Variants in ADAMTS4 observed in about 807,000 individuals in gnomAD.
ADAMTS4 encodes the protein ADAM metallopeptidase with thrombospondin type 1 motif 4, also known as A disintegrin and metalloproteinase with thrombospondin motifs 4.
ADAMTS4 carries 38 observed loss-of-function variants against 66.7 expected under a neutral mutation model. The observed-to-expected ratio is 0.57, with a 90% CI of 0.44 to 0.75. The LOEUF (loss-of-function observed/expected upper bound fraction) is 0.75, where lower values mean the gene tolerates loss of function less well. Ranked by LOEUF, ADAMTS4 falls within the 30% of genes least tolerant of loss-of-function variation. The probability of loss-of-function intolerance (pLI) is 0.00; values close to 1 mark genes in which losing one functional copy is unlikely to be tolerated. For synonymous variants in ADAMTS4, 418 were observed against 461.5 expected, an observed-to-expected ratio of 0.91 and a Z score of 1.21; for missense variants, 1,014 against 1,116.7, an observed-to-expected ratio of 0.91 and a Z score of 1.31.
At chr1:161,195,931 A>C in intron 3 of ADAMTS4, 1 of 527,996 alleles carries the variant, frequency 1.9e-6, no homozygotes, top group South Asian at 2.8e-5. Flanking sequence ...ATACACACAC[A>C]CAGACACACA....
Position 161,193,724 on chromosome 1 carries a change from C to T in ADAMTS4, c.1651G>A (p.Val551Ile). 6.2e-7 allele frequency: 1 copy of T among 1,614,126 alleles called. No homozygotes were observed. The highest frequency in any genetic ancestry group is 8.5e-7 in the Non-Finnish European group (1 of 1,180,010). Residue 551 changes from valine (V) to isoleucine (I), a missense_variant, in exon 6 of 9, where the codon GTC becomes ATC. Val to Ile is a conservative substitution (Grantham distance 29, BLOSUM62 3). Transcript: ENST00000367996. The surrounding 1 kb of genome is among the most constrained non-coding windows in gnomAD (Gnocchi z 4.4). ...CAGTACTTGCCACCATTCCGGGGGA[C>T]AGGCCTCGTGCAGTCTCGGGAGGAG... ...QFSSRDCTRP[V>I]PRNGGKYCEG...
In ADAMTS4 at chr1:161,198,282, G is replaced by T; in HGVS notation, c.346C>A (p.Pro116Thr). The stretch of plus-strand genomic sequence containing the variant: ...GGCTCTGCTCCACCCAGCAGCTCAG[G>T]CGCCTGGCCCAGGTACTGCACTGTC... ...GLTVQYLGQA[P>T]ELLGGAEPGT... The change falls in exon 1 of 9, where the codon CCT (proline) becomes ACT (threonine). Residue 116 changes from proline (P) to threonine (T), a missense_variant. Transcript: ENST00000367996. This position sits in a 1 kb window ranked among gnomAD's most constrained non-coding sequence, Gnocchi z 4.7. The T allele has an allele frequency of 6.2e-7, 1 of 1,613,794 alleles. No individual in the cohort carries two copies.
chr1:161,191,723 C>T (rs112250336), intron 8 of ADAMTS4, among the ~76,000 whole-genome samples, 159 bp from the exon 9 acceptor site: 2,407 of 152,244 alleles, frequency 0.016, 61 homozygotes, highest in African/African-American at 0.054. Context: ...TGCACATGTG[C>T]CCTACTGCCT....
rs780043348 is a variant in ADAMTS4, at chr1:161,193,936, T to C, written c.1547A>G (p.Asn516Ser). 2.3e-5 allele frequency: 36 copies of C among 1,574,502 alleles called. No individual in the cohort carries two copies. In the East Asian group the frequency reaches 3.6e-4, roughly 16 times the overall value. The change falls in exon 5 of 9, where the codon AAT becomes AGT. Residue 516 changes from asparagine to serine, a missense_variant and splice_region_variant. By Grantham distance (46) the Asn-to-Ser change is conservative. Transcript: ENST00000367996. This position sits in a 1 kb window ranked among gnomAD's most constrained non-coding sequence, Gnocchi z 4.4. ...CCCACCCCTGCCCTAGGATCTCACA[T>C]TGAAGTCCTGGAGCTGGTCCATGTG... ...CLHMDQLQDF[N>S]IPQAGGWGPW...
chr1:161,194,005 G>C lies in ADAMTS4; in HGVS notation c.1478C>G (p.Thr493Arg). The C allele has an allele frequency of 1.2e-6, 2 of 1,613,116 alleles. No homozygotes were observed. Among genetic ancestry groups the C allele is most frequent in the Non-Finnish European group, 1.7e-6 (2 of 1,179,326 alleles). Residue 493 changes from threonine (T) to arginine (R), a missense_variant, in exon 5 of 9, where the codon ACA becomes AGA. Physicochemically the swap from Thr to Arg is moderately conservative, Grantham distance 71. Coordinates refer to ENST00000367996, the MANE Select transcript of ADAMTS4 (RefSeq NM_005099.6). The surrounding 1 kb of genome is among the most constrained non-coding windows in gnomAD (Gnocchi z 4.1). Reference sequence around the variant, plus strand: ...GCAGGCCTGTGCGGGCCCGCAGGGTGTGCCATCGGCCCAGGGCGAGTGTTT... The same window carrying C: ...GCAGGCCTGTGCGGGCCCGCAGGGTCTGCCATCGGCCCAGGGCGAGTGTTT... ...QTKHSPWADG[T>R]PCGPAQACMG... is the part of the protein sequence containing the mutation.
At chr1:161,195,318 A>C (rs567786614) in intron 4 of ADAMTS4, 147 bp downstream of exon 4, 14 of 827,662 alleles carry the variant, frequency 1.7e-5, no homozygotes, top group Admixed American at 2.8e-5. Context: ...ACACAAAGAC[A>C]GCAGCATTTC....
Position 161,189,547 on chromosome 1 carries a change from A to T in ADAMTS4, c.*1591T>A, listed in dbSNP as rs1208388525. 2.0e-5 allele frequency: 3 copies of T among 152,124 alleles called. No individual in the cohort carries two copies. Among genetic ancestry groups the T allele is most frequent in the African/African-American group, 7.2e-5 (3 of 41,412 alleles). 9.4% of individuals were successfully genotyped at this position (152,124 alleles called of 1,614,324 possible). Reference sequence around the variant, plus strand: ...GATTGGGAACTTCCAGAGGTGAGGGATGGAATTTTCCTTTCTCTGTTGGTC... The same window carrying T: ...GATTGGGAACTTCCAGAGGTGAGGGTTGGAATTTTCCTTTCTCTGTTGGTC... On this transcript the variant is annotated 3_prime_UTR_variant, in exon 9 of 9. Transcript: ENST00000367996.
intron 3 of ADAMTS4, 51 bp from the exon 4 acceptor site, chr1:161,195,686 T>A: frequency 1.3e-6 from 2 of 1,523,604 alleles, no homozygotes; most frequent in Non-Finnish European, 1.8e-6. Context: ...CCCCATGCCC[T>A]GAGGGACTCC....
In ADAMTS4 at chr1:161,193,591, C is replaced by T. The variant is rs1171607841; in HGVS notation, c.1735+49G>A. 1 of 1,567,468 alleles carries T rather than the reference C, an allele frequency of 6.4e-7. No individual in the cohort carries two copies. On this transcript the variant is annotated intron_variant, in intron 6 of 8. Transcript: ENST00000367996. The surrounding 1 kb of genome is among the most constrained non-coding windows in gnomAD (Gnocchi z 4.4). ...GTCTTGCACTCAAGGGACAGTCCTT[C>T]CTGCTCTACTGTCCCCTCCCAAGGG... is the stretch of plus-strand genomic sequence containing the variant.
Position 161,192,216 on chromosome 1 carries a change from G to A in ADAMTS4, c.1936C>T (p.Pro646Ser), listed in dbSNP as rs1210373801. 3 of 1,613,760 alleles carry A rather than the reference G, an allele frequency of 1.9e-6. No individual in the cohort carries two copies. The Admixed American group carries it at 5.0e-5, about 27-fold the overall frequency. ...PRVVDGTPCS[P>S]DSSSVCVQGR... ...TGGACACAGACCGAGGAGCTGTCCG[G>A]GGAACAGGGGGTCCCATCTACCACC... Residue 646 changes from proline (P) to serine (S), a missense_variant, in exon 8 of 9, where the codon CCG becomes TCG. Transcript: ENST00000367996.
Position 161,198,749 on chromosome 1 carries a change from A to G in ADAMTS4, c.-122T>C. The G allele has an allele frequency of 1.1e-6, 1 of 942,896 alleles. No homozygotes were observed. The highest frequency in any genetic ancestry group is 1.5e-6 in the Non-Finnish European group (1 of 654,868). The allele number at this position is 942,896 out of a possible 1,614,324, so 58.4% of individuals were successfully genotyped here. ...TTGGACTCCTGCCAAGGTCAGAGGC[A>G]AAGTTTTCAGAAGGGCTGAGGACCG... is the stretch of plus-strand genomic sequence containing the variant. On this transcript the variant is annotated 5_prime_UTR_variant, in exon 1 of 9. Transcript: ENST00000367996. The surrounding 1 kb of genome is among the most constrained non-coding windows in gnomAD (Gnocchi z 4.7).
At chr1:161,191,720 G>A (rs1016326052) in intron 8 of ADAMTS4, among the ~76,000 whole-genome samples, 156 bp from the exon 9 acceptor site, 15 of 152,156 alleles carry the variant, frequency 9.9e-5, no homozygotes, top group Admixed American at 4.6e-4. Context: ...ACATGCACAT[G>A]TGCCCTACTG....
Position 161,198,598 on chromosome 1 carries a change from C to A in ADAMTS4, c.30G>T (p.Arg10Ser). The change falls in exon 1 of 9, where the codon AGG (arginine) becomes AGT (serine). Residue 10 changes from arginine (R) to serine (S), a missense_variant. Physicochemically the swap from Arg to Ser is moderately radical, Grantham distance 110. Transcript: ENST00000367996. This position sits in a 1 kb window ranked among gnomAD's most constrained non-coding sequence, Gnocchi z 4.7. MSQTGSHPG[R>S]GLAGRWLWGA... ...CCCACAGCCAGCGCCCTGCCAAGCCCCTCCCGGGATGCGAGCCTGTCTGGG... is the reference window on the plus strand; with the variant it reads ...CCCACAGCCAGCGCCCTGCCAAGCCACTCCCGGGATGCGAGCCTGTCTGGG... 6.5e-7 allele frequency: 1 copy of A among 1,541,578 alleles called. No individual in the cohort carries two copies.
At position 161,195,497 on chromosome 1, in the gene ADAMTS4, C is replaced by A; in HGVS notation, c.1229G>T (p.Arg410Leu). The change falls in exon 4 of 9, where the codon CGC (arginine) becomes CTC (leucine). Residue 410 changes from arginine to leucine, a missense_variant. Arg to Leu is a moderately radical substitution (Grantham distance 102). Coordinates refer to ENST00000367996, the MANE Select transcript of ADAMTS4 (RefSeq NM_005099.6). Reference protein sequence around the residue: ...PEEPWSPCSARFITDFLDNGY... With the variant: ...PEEPWSPCSALFITDFLDNGY... ...ATTGTCCAGGAAGTCAGTGATGAAGCGGGCACTGCAGGGGGACCAGGGCTC... is the reference window on the plus strand; with the variant it reads ...ATTGTCCAGGAAGTCAGTGATGAAGAGGGCACTGCAGGGGGACCAGGGCTC... 6.2e-7 allele frequency: 1 copy of A among 1,612,142 alleles called. No individual in the cohort carries two copies. The highest frequency in any genetic ancestry group is 8.5e-7 in the Non-Finnish European group (1 of 1,179,098).
At position 161,196,796 on chromosome 1, in the gene ADAMTS4, G is replaced by C. The variant is rs143740950; in HGVS notation, c.718C>G (p.Arg240Gly). 1 of 1,612,164 alleles carries C rather than the reference G, an allele frequency of 6.2e-7. No individual in the cohort carries two copies. The highest frequency in any genetic ancestry group is 1.3e-5 in the African/African-American group (1 of 74,946). ...MAAFHGAGLK[R>G]YLLTVMAAAA... ...GCTGCCATCACTGTTAGCAGGTAGC[G>C]CTTTAGCCCCGCACCGTGGAATGCG... Residue 240 changes from arginine to glycine, a missense_variant, in exon 2 of 9, where the codon CGC becomes GGC. By Grantham distance (125) the Arg-to-Gly change is moderately radical. Coordinates refer to ENST00000367996, the MANE Select transcript of ADAMTS4 (RefSeq NM_005099.6).
rs1429740896 is a variant in ADAMTS4 at position 161,196,636 on chromosome 1, C to G, written c.878G>C (p.Cys293Ser). The G allele has an allele frequency of 1.1e-5, 18 of 1,614,072 alleles. No homozygotes were observed. The highest frequency in any genetic ancestry group is 1.4e-5 in the Non-Finnish European group (16 of 1,180,032). Residue 293 changes from cysteine to serine, a missense_variant, in exon 2 of 9, where the codon TGT becomes TCT. Physicochemically the swap from Cys to Ser is moderately radical, Grantham distance 112. Coordinates refer to ENST00000367996, the MANE Select transcript of ADAMTS4 (RefSeq NM_005099.6). ...GGTGTTGAGGCCCCGCTGCCAGGCA[C>G]AGAAGCTGCGCAGGGTCTGGGCAGC... ...PSAAQTLRSF[C>S]AWQRGLNTPE...
Position 161,190,992 on chromosome 1 carries a change from C to A in ADAMTS4, c.*146G>T, listed in dbSNP as rs1038435908. 1.8e-5 allele frequency: 17 copies of A among 934,956 alleles called. No homozygotes were observed. The highest frequency in any genetic ancestry group is 2.3e-5 in the Non-Finnish European group (15 of 649,672). The allele number at this position is 934,956 out of a possible 1,614,324, so 57.9% of individuals were successfully genotyped here. On this transcript the variant is annotated 3_prime_UTR_variant, in exon 9 of 9. Coordinates refer to ENST00000367996, the MANE Select transcript of ADAMTS4 (RefSeq NM_005099.6). ...AGGAAACCAGGGCAGGGCCAGCCTG[C>A]GCATTAGGGCAGAGAGGAGGGGCAG...
Position 161,193,843 on chromosome 1 carries a change from C to T in ADAMTS4, c.1549-17G>A, listed in dbSNP as rs3813622. 0.61 allele frequency: 971,317 copies of T among 1,591,020 alleles called. 300,888 individuals are homozygous for T. Among genetic ancestry groups the T allele is most frequent in the East Asian group, 0.92 (40,988 of 44,712 alleles). On this transcript the variant is annotated splice_polypyrimidine_tract_variant and intron_variant, in intron 5 of 8. Transcript: ENST00000367996. The surrounding 1 kb of genome is among the most constrained non-coding windows in gnomAD (Gnocchi z 4.4). ...CTGTGGAATCTGCAAAGGCACAGAA[C>T]GGAAGTGGGGCATAAGTGAACTCTC...
In ADAMTS4 at chr1:161,191,380, T is replaced by G; in HGVS notation, c.2272A>C (p.Ser758Arg). ...GCAGTGGCCCCGCTGTAGCGCAAGC[T>G]GACTGCCCCAGGCAGTACCACATCT... ...PTDVVLPGAV[S>R]LRYSGATAAS... Residue 758 changes from serine to arginine, a missense_variant, in exon 9 of 9, where the codon AGC becomes CGC. By Grantham distance (110) the Ser-to-Arg change is moderately radical. Coordinates refer to ENST00000367996, the MANE Select transcript of ADAMTS4 (RefSeq NM_005099.6). The G allele has an allele frequency of 6.2e-7, 1 of 1,614,050 alleles. No individual in the cohort carries two copies. The highest frequency in any genetic ancestry group is 8.5e-7 in the Non-Finnish European group (1 of 1,180,006).
Sources: allele counts gnomAD v4.1 joint callset (sites outside exome capture counted in the v4.1 genomes callset), GRCh38; gene constraint gnomAD v4.1.1; non-coding constraint Gnocchi (gnomAD v3.1); transcripts MANE v1.5; gene names NCBI Gene and HGNC (gene_info 2026-07-23, HGNC 2026-07-21).